DEDD2: variants seen among roughly 807,000 people sequenced by gnomAD.
The protein encoded by DEDD2 is death effector domain containing 2, also known as DNA-binding death effector domain-containing protein 2.
A neutral mutation model predicts 28.9 loss-of-function variants in DEDD2; 18 were observed. The observed-to-expected ratio is 0.62, with a 90% CI of 0.43 to 0.92. The LOEUF (loss-of-function observed/expected upper bound fraction) is 0.92, where lower values mean the gene tolerates loss of function less well. Ranked by LOEUF, DEDD2 falls within the 40% of genes least tolerant of loss-of-function variation. The pLI is 0.00. For synonymous variants in DEDD2, 211 were observed against 206.1 expected, an observed-to-expected ratio of 1.02 and a Z score of -0.20; for missense variants, 411 against 463.3, an observed-to-expected ratio of 0.89 and a Z score of 1.04.
chr19:42,214,597 T>A (rs1317174823), intron 3 of DEDD2, among the ~76,000 whole-genome samples: 1 of 149,110 alleles, frequency 6.7e-6, no homozygotes, highest in Non-Finnish European at 1.5e-5. Context: ...ACCACACCTC[T>A]ATAAAGGATG....
intron 4 of DEDD2, among the ~76,000 whole-genome samples, chr19:42,207,157 C>T (rs78856064): frequency 0.08 from 12,108 of 152,188 alleles, 671 homozygotes; most frequent in South Asian, 0.18. Context: ...CCCCTCAAAC[C>T]CTGCCGCGCA....
Position 42,216,721 on chromosome 19 carries a change from T to C in DEDD2, c.287A>G (p.His96Arg), listed in dbSNP as rs2035986069. ...GCGCGCCAGGTGCGGCAGCAGGTCGTGGCGGGCCAGCACGCGCAGGAGTTG... is the reference window on the plus strand; with the variant it reads ...GCGCGCCAGGTGCGGCAGCAGGTCGCGGCGGGCCAGCACGCGCAGGAGTTG... Reference protein sequence around the residue: ...LGQLLRVLARHDLLPHLARKR... With the variant: ...LGQLLRVLARRDLLPHLARKR... Residue 96 changes from histidine to arginine, a missense_variant, in exon 2 of 5, where the codon CAC (histidine) becomes CGC (arginine). His to Arg is a conservative substitution (Grantham distance 29). Transcript: ENST00000596251. The C allele has an allele frequency of 1.3e-6, 2 of 1,591,188 alleles. No individual in the cohort carries two copies. The highest frequency in any genetic ancestry group is 1.7e-5 in the Admixed American group (1 of 57,504).
chr19:42,210,750 T>C (rs992173482), intron 3 of DEDD2, among the ~76,000 whole-genome samples: 2 of 151,928 alleles, frequency 1.3e-5, no homozygotes, highest in African/African-American at 4.8e-5. Context: ...CTTAAAAAGT[T>C]AAAATGAAAT....
At position 42,199,466 on chromosome 19, in the gene DEDD2, C is replaced by T. The variant is rs149179344; in HGVS notation, c.953G>A (p.Gly318Glu). The change falls in exon 5 of 5, where the codon GGG (glycine) becomes GAG (glutamate). Residue 318 changes from glycine to glutamate, a missense_variant. Physicochemically the swap from Gly to Glu is moderately conservative, Grantham distance 98 (BLOSUM62 -2). Around this residue, in one of 2 missense-constraint regions of DEDD2, gnomAD observed 129 missense variants for 189.9 expected, o/e 0.68. Coordinates refer to ENST00000596251, the MANE Select transcript of DEDD2 (RefSeq NM_133328.4). This position sits in a 1 kb window ranked among gnomAD's most constrained non-coding sequence, Gnocchi z 7.4. ...GGAGGCCTCTGTCGGGCGCCGCCCC[C>T]CTTCCTCCTCCATCAGCAACAGGCG... ...RRRLLLMEEE[G>E]GRRPTEAS 1 of 1,610,304 alleles carries T rather than the reference C, an allele frequency of 6.2e-7. No homozygotes were observed. The highest frequency in any genetic ancestry group is 8.5e-7 in the Non-Finnish European group (1 of 1,178,616).
chr19:42,211,656 A>G (rs149788275), intron 3 of DEDD2, among the ~76,000 whole-genome samples: 395 of 152,344 alleles, frequency 2.6e-3, no homozygotes, highest in Non-Finnish European at 4.6e-3. Flanking sequence ...TGACTTTGTT[A>G]TTTTGATGCT....
At chr19:42,200,096 C>T (rs2035272844) in intron 4 of DEDD2, among the ~76,000 whole-genome samples, 1 of 152,202 alleles carries the variant, frequency 6.6e-6, no homozygotes. Context: ...TGCTCCCTCT[C>T]TTCCTGCAGG....
In DEDD2 at chr19:42,199,927, C is replaced by T. The variant is rs556688690; in HGVS notation, c.590-98G>A. On this transcript the variant is annotated intron_variant, in intron 4 of 4. Coordinates refer to ENST00000596251, the MANE Select transcript of DEDD2 (RefSeq NM_133328.4). This position sits in a 1 kb window ranked among gnomAD's most constrained non-coding sequence, Gnocchi z 7.4. Reference sequence around the variant, plus strand: ...TCCCTCCAGCCTTCTCCCTCCACCCCCTTCCGGTAGCCACACCCTAGTCCT... The same window carrying T: ...TCCCTCCAGCCTTCTCCCTCCACCCTCTTCCGGTAGCCACACCCTAGTCCT... 18 of 1,462,140 alleles carry T rather than the reference C, an allele frequency of 1.2e-5. No individual in the cohort carries two copies. In the East Asian group the frequency reaches 2.0e-4, roughly 16 times the overall value. The allele number at this position is 1,462,140 out of a possible 1,614,324, so 90.6% of individuals were successfully genotyped here.
intron 4 of DEDD2, among the ~76,000 whole-genome samples, chr19:42,205,826 T>C (rs983746614): frequency 2.0e-5 from 3 of 151,708 alleles, no homozygotes; most frequent in Admixed American, 6.6e-5. Context: ...CTCATGCCTG[T>C]AATCCCAGCA....
Position 42,216,679 on chromosome 19 carries a change from C to A in DEDD2, c.328+1G>T, listed in dbSNP as rs766101466. On this transcript the variant is annotated splice_donor_variant, in intron 2 of 4. Transcript: ENST00000596251. LOFTEE classifies it high-confidence loss of function. ...TGTGACACCCTCCCATTCAACCGTA[C>A]CTGGCCGGCGCCGCTTGCGCGCCAG... 1 of 1,567,464 alleles carries A rather than the reference C, an allele frequency of 6.4e-7. No homozygotes were observed. The highest frequency in any genetic ancestry group is 2.0e-5 in the Admixed American group (1 of 51,004).
chr19:42,200,413 G>C (rs775796644), intron 4 of DEDD2, among the ~76,000 whole-genome samples: 4 of 152,236 alleles, frequency 2.6e-5, no homozygotes, highest in Non-Finnish European at 4.4e-5. Flanking sequence ...ATGAACTAAT[G>C]GACTTGCCTT....
chr19:42,220,134 G>A (rs1177947411), upstream of DEDD2: 1 of 152,282 alleles, frequency 6.6e-6, no homozygotes, highest in African/African-American at 2.4e-5. Context: ...GCGACCCAGA[G>A]AAATGCGCAG....
chr19:42,209,974 G>A, intron 3 of DEDD2, 134 bp from the exon 4 acceptor site: 3 of 1,216,710 alleles, frequency 2.5e-6, no homozygotes, highest in Non-Finnish European at 3.3e-6. Context: ...CTTCTTCAGT[G>A]GCCCTGTCTA....
At chr19:42,201,807 C>T in intron 4 of DEDD2, 1 of 391,984 alleles carries the variant, frequency 2.6e-6, no homozygotes, top group Non-Finnish European at 4.5e-6. Context: ...GGCATTCAGA[C>T]CCAGCTGTCT....
In DEDD2 at chr19:42,209,748, G is replaced by T. The variant is rs1320606340; in HGVS notation, c.541C>A (p.Gln181Lys). Residue 181 changes from glutamine to lysine, a missense_variant, in exon 4 of 5, where the codon CAG (glutamine) becomes AAG (lysine). Gln to Lys is a moderately conservative substitution (Grantham distance 53, BLOSUM62 1). Transcript: ENST00000596251. ...RRRGAPAAPQ[Q>K]QSEPARPSSE... ...GAAGGTCTGGCGGGCTCTGACTGCT[G>T]CTGGGGTGCGGCTGGGGCCCCTCTC... The T allele has an allele frequency of 6.2e-7, 1 of 1,606,646 alleles. No homozygotes were observed. The highest frequency in any genetic ancestry group is 1.1e-5 in the South Asian group (1 of 90,616).
intron 4 of DEDD2, among the ~76,000 whole-genome samples, chr19:42,205,853 C>A (rs192077076): frequency 1.3e-5 from 2 of 151,848 alleles, no homozygotes; most frequent in East Asian, 3.9e-4. Context: ...GAGGCCAAGG[C>A]AGGTGAATCG....
At chr19:42,215,108 A>G (rs1225199770) in intron 3 of DEDD2, 25 bp downstream of exon 3, 4 of 1,612,964 alleles carry the variant, frequency 2.5e-6, no homozygotes, top group Non-Finnish European at 3.4e-6. Context: ...GGATGCTGCC[A>G]TTACACCCAC....
At chr19:42,204,016 T>A (rs1183714355) in intron 4 of DEDD2, among the ~76,000 whole-genome samples, 3 of 152,172 alleles carry the variant, frequency 2.0e-5, no homozygotes, top group Non-Finnish European at 2.9e-5. Context: ...GGGGGGCAGG[T>A]GCCATGCCTT....
rs778456348 is a variant in DEDD2 at position 42,199,811 on chromosome 19, C to T, written c.608G>A (p.Arg203Gln). ...KVTCDIRLRVRAEYCEHGPAL... is the reference protein window; with the variant it reads ...KVTCDIRLRVQAEYCEHGPAL... Reference sequence around the variant, plus strand: ...TGGCCCATGCTCGCAGTACTCTGCTCGAACCCGGAGCCGGATGTCTGCAGG... The same window carrying T: ...TGGCCCATGCTCGCAGTACTCTGCTTGAACCCGGAGCCGGATGTCTGCAGG... Residue 203 changes from arginine (R) to glutamine (Q), a missense_variant, in exon 5 of 5, where the codon CGA becomes CAA. This residue lies in a region of DEDD2 where 129 missense variants were observed against 189.9 expected (regional missense o/e 0.68). Transcript: ENST00000596251. The surrounding 1 kb of genome is among the most constrained non-coding windows in gnomAD (Gnocchi z 7.4). 3 of 1,596,258 alleles carry T rather than the reference C, an allele frequency of 1.9e-6. No homozygotes were observed. The highest frequency in any genetic ancestry group is 1.8e-5 in the Admixed American group (1 of 57,056).
rs2035353725 is a variant in DEDD2, at chr19:42,202,079, C to T, written c.590-2250G>A. 3 of 398,776 alleles carry T rather than the reference C, an allele frequency of 7.5e-6. No individual in the cohort carries two copies. In the East Asian group the frequency reaches 1.1e-4, roughly 14 times the overall value. The allele number at this position is 398,776 out of a possible 1,614,324, so 24.7% of individuals were successfully genotyped here. On this transcript the variant is annotated intron_variant, in intron 4 of 4. Coordinates refer to ENST00000596251, the MANE Select transcript of DEDD2 (RefSeq NM_133328.4). ...TCTGAGCCTGTTTCCCCATCTGAAACACAAACAAACAAGAGGTCCCTGCTG... is the reference window on the plus strand; with the variant it reads ...TCTGAGCCTGTTTCCCCATCTGAAATACAAACAAACAAGAGGTCCCTGCTG...
Sources: gnomAD v4.1 joint callset for allele counts (sites outside exome capture counted in the v4.1 genomes callset) on GRCh38, gnomAD v4.1.1 for gene constraint, gnomAD v4.1.1 regional missense constraint, Gnocchi (gnomAD v3.1) non-coding constraint, MANE v1.5 for transcripts, NCBI Gene and HGNC (gene_info 2026-07-23, HGNC 2026-07-21) for gene names.